The following LRRC57 variants were observed in gnomAD, a reference collection of about 807,000 sequenced individuals.
The protein encoded by LRRC57 is leucine-rich repeat-containing protein 57.
A neutral mutation model predicts 23.1 loss-of-function variants in LRRC57; 14 were observed. The ratio of observed to expected loss-of-function variants is 0.61; its 90% CI spans 0.40 to 0.95. The LOEUF is 0.95. Ranked by LOEUF, LRRC57 falls within the 40% of genes least tolerant of loss-of-function variation. The pLI is 0.00. For missense variants in LRRC57, 236 were observed against 284.4 expected (o/e 0.83, Z 1.22); for synonymous variants, 106 against 115.2 (o/e 0.92, Z 0.51).
At chr15:42,531,368 TAG>T in the LRRC57 span, 3 of 1,327,472 alleles carry the variant, frequency 2.3e-6, no homozygotes, top group Non-Finnish European at 3.0e-6. Flanking sequence ...TAATTTTTAT[TAG>T]AGTTACTTAC....
At position 42,540,193 on chromosome 15, in the gene LRRC57, CA is replaced by C. The variant is rs1210294999; in HGVS notation, c.*3889del. On this transcript the variant is annotated 3_prime_UTR_variant, in exon 6 of 6. Coordinates refer to ENST00000397130, the MANE Select transcript of LRRC57 (RefSeq NM_153260.3). The stretch of plus-strand genomic sequence containing the variant: ...CGTGGGCAAGAGTGAGCCTCTGGAC[CA>C]AAAAAAAAAAAAAAAAGGGCATTCC... The C allele has an allele frequency of 0.017, 1,599 of 94,806 alleles. 9 individuals are homozygous for C. The highest frequency in any genetic ancestry group is 0.022 in the Non-Finnish European group (983 of 44,290). The allele number at this position is 94,806 out of a possible 1,614,324, so 5.9% of individuals were successfully genotyped here. A position where few individuals can be genotyped will look rare whatever the true frequency, so the allele number is the denominator to read the frequency against.
downstream of LRRC57, among the ~76,000 whole-genome samples, chr15:42,535,282 A>G (rs937655690): frequency 3.9e-5 from 6 of 152,154 alleles, no homozygotes; most frequent in Admixed American, 1.3e-4. Flanking sequence ...GTAACTTCCA[A>G]CTTTTCTTCT....
rs886614004 is a variant in LRRC57, at chr15:42,548,759, G to A, written c.-89C>T. The A allele has an allele frequency of 1.3e-5, 10 of 758,996 alleles. No homozygotes were observed. Among genetic ancestry groups the A allele is most frequent in the Admixed American group, 5.6e-5 (2 of 35,448 alleles). The allele number at this position is 758,996 out of a possible 1,614,324, so 47.0% of individuals were successfully genotyped here. On this transcript the variant is annotated 5_prime_UTR_variant, in exon 1 of 6. Coordinates refer to ENST00000397130, the MANE Select transcript of LRRC57 (RefSeq NM_153260.3). Reference sequence around the variant, plus strand: ...CCAGGACCCGCAGTAGCCGGGATGCGCTCCCCGGCTTAGTCCCGGGCGGGA... The same window carrying A: ...CCAGGACCCGCAGTAGCCGGGATGCACTCCCCGGCTTAGTCCCGGGCGGGA...
the LRRC57 span, among the ~76,000 whole-genome samples, chr15:42,529,214 A>T: frequency 6.6e-6 from 1 of 152,320 alleles, no homozygotes; most frequent in South Asian, 2.1e-4. Context: ...ACAAAATCAT[A>T]TGGTGGCCAG....
At chr15:42,528,561 C>T in the LRRC57 span, 6 of 864,606 alleles carry the variant, frequency 6.9e-6, no homozygotes, top group African/African-American at 3.4e-5. Flanking sequence ...AAAAATCTGC[C>T]CACTGACAAA....
chr15:42,544,218 A>G (rs2057645332), intron 5 of LRRC57, 94 bp from the exon 6 acceptor site: 1 of 980,390 alleles, frequency 1.0e-6, no homozygotes, highest in South Asian at 1.5e-5. Context: ...TTTTTATTGC[A>G]TGTGGTTTTT....
chr15:42,535,950 T>C (rs1340790200), downstream of LRRC57, among the ~76,000 whole-genome samples: 1 of 150,832 alleles, frequency 6.6e-6, no homozygotes, highest in African/African-American at 2.5e-5. Flanking sequence ...TGGTGGTGCA[T>C]ATCTATAGTC....
At chr15:42,532,957 ATTTAT>A (rs2057580364), downstream of LRRC57, 1 of 152,654 alleles carries the variant, frequency 6.6e-6, no homozygotes, top group African/African-American at 2.4e-5. Context: ...TATTTGTCAC[ATTTAT>A]TTTAAAATTA....
At chr15:42,537,383 A>G (rs934345294), downstream of LRRC57, among the ~76,000 whole-genome samples, 12 of 152,334 alleles carry the variant, frequency 7.9e-5, no homozygotes, top group African/African-American at 2.9e-4. Flanking sequence ...CTATTATCAA[A>G]AGTGAGAAAA....
At chr15:42,534,351 G>A (rs950708524), downstream of LRRC57, among the ~76,000 whole-genome samples, 3 of 152,026 alleles carry the variant, frequency 2.0e-5, no homozygotes, top group East Asian at 3.9e-4. Flanking sequence ...GGCTGGTCTC[G>A]AACTCCTGAC....
downstream of LRRC57, among the ~76,000 whole-genome samples, chr15:42,537,235 A>ACT (rs2057605012): frequency 9.2e-6 from 1 of 108,754 alleles, no homozygotes; most frequent in African/African-American, 2.9e-5. Flanking sequence ...TCTCTCTCTC[A>ACT]CACACACACA....
At chr15:42,528,746 CA>C in the LRRC57 span, among the ~76,000 whole-genome samples, 2 of 152,036 alleles carry the variant, frequency 1.3e-5, no homozygotes, top group African/African-American at 4.8e-5. Context: ...CCACCACGCC[CA>C]GCTAATTTTT....
the LRRC57 span, among the ~76,000 whole-genome samples, chr15:42,530,177 T>A: frequency 2.0e-5 from 3 of 152,178 alleles, no homozygotes; most frequent in African/African-American, 7.2e-5. Flanking sequence ...CCTAGGGTAG[T>A]GTGGTGGTAC....
In LRRC57 at chr15:42,543,991, C is replaced by A. The variant is rs1338890984; in HGVS notation, c.*92G>T. ...AAGTATCATCTCCTTACTGTAGATA[C>A]CCCTAACAACAACAGGAGGCTTTGA... On this transcript the variant is annotated 3_prime_UTR_variant, in exon 6 of 6. Coordinates refer to ENST00000397130, the MANE Select transcript of LRRC57 (RefSeq NM_153260.3). 2.1e-5 allele frequency: 19 copies of A among 926,260 alleles called. No homozygotes were observed. The highest frequency in any genetic ancestry group is 2.6e-5 in the Non-Finnish European group (15 of 578,094). The allele number at this position is 926,260 out of a possible 1,614,324, so 57.4% of individuals were successfully genotyped here.
chr15:42,537,264 C>CACACACAT (rs59946975), downstream of LRRC57, among the ~76,000 whole-genome samples: 2 of 150,686 alleles, frequency 1.3e-5, no homozygotes, highest in Non-Finnish European at 3.0e-5. Context: ...CACACACACA[C>CACACACAT]GCACGCACAC....
At chr15:42,530,339 G>A in the LRRC57 span, among the ~76,000 whole-genome samples, 2 of 152,194 alleles carry the variant, frequency 1.3e-5, no homozygotes, top group Non-Finnish European at 2.9e-5. Flanking sequence ...TTCTTATGGA[G>A]TGGACACACG....
chr15:42,536,853 TA>T (rs2057602821), downstream of LRRC57, among the ~76,000 whole-genome samples: 3 of 152,270 alleles, frequency 2.0e-5, no homozygotes, highest in South Asian at 4.1e-4. Context: ...GACCTATAAC[TA>T]AAGAGGTAAA....
At position 42,547,641 on chromosome 15, in the gene LRRC57, A is replaced by G. The variant is rs375584882; in HGVS notation, c.224-112T>C. 956 of 935,468 alleles carry G rather than the reference A, an allele frequency of 1.0e-3. 2 individuals are homozygous for G. The highest frequency in any genetic ancestry group is 1.3e-3 in the Non-Finnish European group (807 of 619,984). The allele number at this position is 935,468 out of a possible 1,614,324, so 57.9% of individuals were successfully genotyped here. ...GCTTCGCCTCTTGTTAATATATGTAAAACTCCCACATGTGCCATTTTTAGA... is the reference window on the plus strand; with the variant it reads ...GCTTCGCCTCTTGTTAATATATGTAGAACTCCCACATGTGCCATTTTTAGA... On this transcript the variant is annotated intron_variant, in intron 3 of 5. Coordinates refer to ENST00000397130, the MANE Select transcript of LRRC57 (RefSeq NM_153260.3).
At position 42,541,068 on chromosome 15, in the gene LRRC57, AGAT is replaced by A. The variant is rs1452422270; in HGVS notation, c.*3012_*3014del. 1.3e-5 allele frequency: 2 copies of A among 152,200 alleles called. No individual in the cohort carries two copies. Among genetic ancestry groups the A allele is most frequent in the African/African-American group, 4.8e-5 (2 of 41,450 alleles). The allele number at this position is 152,200 out of a possible 1,614,324, so 9.4% of individuals were successfully genotyped here. A position where few individuals can be genotyped will look rare whatever the true frequency, so the allele number is the denominator to read the frequency against. On this transcript the variant is annotated 3_prime_UTR_variant, in exon 6 of 6. Coordinates refer to ENST00000397130, the MANE Select transcript of LRRC57 (RefSeq NM_153260.3). ...AAAAATGTATAAGTTCTGATTTATT[AGAT>A]GAGAAGTACTGATAAAACACAGAAA...
Sources: gnomAD v4.1 joint callset for allele counts (sites outside exome capture counted in the v4.1 genomes callset) on GRCh38, gnomAD v4.1.1 for gene constraint, MANE v1.5 for transcripts, NCBI Gene and HGNC (gene_info 2026-07-23, HGNC 2026-07-21) for gene names.